The following CAMSAP2 variants were observed in gnomAD, a reference collection of about 807,000 sequenced individuals.
The protein encoded by CAMSAP2 is calmodulin-regulated spectrin-associated protein 2.
In CAMSAP2, 26 loss-of-function variants were observed where a neutral mutation model predicts 146.1. That is an observed-to-expected ratio of 0.18 (90% CI 0.13 to 0.25). The LOEUF (loss-of-function observed/expected upper bound fraction) is 0.25, where lower values mean the gene tolerates loss of function less well. CAMSAP2 is among the 10% of genes least tolerant of loss of function. The pLI, the probability that CAMSAP2 is intolerant of heterozygous loss-of-function variation, is 1.00. For synonymous variants in CAMSAP2, 499 were observed against 596.6 expected (o/e 0.84, Z 2.38); for missense variants, 1,381 against 1,759.3 (o/e 0.78, Z 3.85).
In CAMSAP2 at chr1:200,857,362, G is replaced by A. The variant is rs569186276; in HGVS notation, c.4069G>A (p.Ala1357Thr). 1 of 1,613,760 alleles carries A rather than the reference G, an allele frequency of 6.2e-7. No individual in the cohort carries two copies. The highest frequency in any genetic ancestry group is 1.1e-5 in the South Asian group (1 of 91,064). ...ATCCAATAAGCACATAATACAAAAT[G>A]CTTTAGCTCATTGCTGTTTGGCTGG... is the stretch of plus-strand genomic sequence containing the variant. ...AKSNKHIIQN[A>T]LAHCCLAGKV... is the part of the protein sequence containing the mutation. The change falls in exon 16 of 17, where the codon GCT becomes ACT. Residue 1357 changes from alanine to threonine, a missense_variant. This residue lies in a region of CAMSAP2 where 90 missense variants were observed against 174.4 expected (regional missense o/e 0.52). Transcript: ENST00000358823. The surrounding 1 kb of genome is among the most constrained non-coding windows in gnomAD (Gnocchi z 4.7).
intron 1 of CAMSAP2, 25 bp from the exon 2 acceptor site, chr1:200,760,814 G>T (rs1378298642): frequency 1.3e-6 from 2 of 1,504,796 alleles, no homozygotes; most frequent in African/African-American, 1.4e-5. Context: ...TCTTGTAAGA[G>T]AATTTTTTCC....
At chr1:200,840,914 G>A (rs537833776) in intron 6 of CAMSAP2, among the ~76,000 whole-genome samples, 15 of 151,942 alleles carry the variant, frequency 9.9e-5, no homozygotes, top group South Asian at 2.1e-4. Context: ...AAAATTTACC[G>A]AATGCCTAAA....
intron 2 of CAMSAP2, among the ~76,000 whole-genome samples, chr1:200,779,388 G>A (rs1665371763): frequency 6.6e-6 from 1 of 152,182 alleles, no homozygotes; most frequent in African/African-American, 2.4e-5. Flanking sequence ...GGAGAGAAAG[G>A]AATTGGAGTG....
chr1:200,815,120 A>G (rs2102165153), intron 3 of CAMSAP2, among the ~76,000 whole-genome samples: 1 of 152,286 alleles, frequency 6.6e-6, no homozygotes, highest in South Asian at 2.1e-4. Flanking sequence ...ATGATCATGG[A>G]TATGTCTGAA....
At position 200,859,275 on chromosome 1, in the gene CAMSAP2, G is replaced by A. The variant is rs890873899; in HGVS notation, c.*1216G>A. On this transcript the variant is annotated 3_prime_UTR_variant, in exon 17 of 17. Transcript: ENST00000358823. Reference sequence around the variant, plus strand: ...TGACCCTGTTATATTTCAGTGTTGTGACAAATGTGTAAACTAGCGGGGGAA... The same window carrying A: ...TGACCCTGTTATATTTCAGTGTTGTAACAAATGTGTAAACTAGCGGGGGAA... 2 of 152,552 alleles carry A rather than the reference G, an allele frequency of 1.3e-5. No individual in the cohort carries two copies. Among genetic ancestry groups the A allele is most frequent in the Non-Finnish European group, 2.9e-5 (2 of 67,882 alleles). 9.4% of individuals were successfully genotyped at this position (152,552 alleles called of 1,614,324 possible). A position where few individuals can be genotyped will look rare whatever the true frequency, so the allele number is the denominator to read the frequency against.
rs769479966 is a variant in CAMSAP2, at chr1:200,849,971, A to G, written c.3202A>G (p.Thr1068Ala). 2.5e-6 allele frequency: 4 copies of G among 1,614,102 alleles called. No homozygotes were observed. The highest frequency in any genetic ancestry group is 1.7e-6 in the Non-Finnish European group (2 of 1,180,042). ...AAAGGAAATCAAACCTTTTGAGTCA[A>G]CAGTCTCTGAAGTCCTATCACTGCC... is the stretch of plus-strand genomic sequence containing the variant. Reference protein sequence around the residue: ...EEKEIKPFESTVSEVLSLPVT... With the variant: ...EEKEIKPFESAVSEVLSLPVT... Residue 1068 changes from threonine to alanine, a missense_variant, in exon 11 of 17, where the codon ACA (threonine) becomes GCA (alanine). Around this residue, in one of 4 missense-constraint regions of CAMSAP2, gnomAD observed 560 missense variants for 715.9 expected, o/e 0.78. Transcript: ENST00000358823. This position sits in a 1 kb window ranked among gnomAD's most constrained non-coding sequence, Gnocchi z 6.3.
At chr1:200,742,257 A>C (rs898248530) in intron 1 of CAMSAP2, among the ~76,000 whole-genome samples, 1 of 152,228 alleles carries the variant, frequency 6.6e-6, no homozygotes, top group Non-Finnish European at 1.5e-5. Context: ...CATAGTACAT[A>C]TTGAAGTCTA....
intron 4 of CAMSAP2, among the ~76,000 whole-genome samples, chr1:200,822,972 C>T (rs1666814294): frequency 6.6e-6 from 1 of 152,068 alleles, no homozygotes; most frequent in African/African-American, 2.4e-5. Flanking sequence ...GGGGGGACAG[C>T]TATATTATGT....
intron 2 of CAMSAP2, among the ~76,000 whole-genome samples, chr1:200,785,022 T>C (rs1435388793): frequency 6.6e-6 from 1 of 152,236 alleles, no homozygotes; most frequent in Admixed American, 6.5e-5. Flanking sequence ...GATAATCATA[T>C]GGCTGTTCTC....
rs1667781929 is a variant in CAMSAP2, at chr1:200,857,698, CA to C, written c.4132-52del. 6 of 1,388,974 alleles carry C rather than the reference CA, an allele frequency of 4.3e-6. No homozygotes were observed. In the Admixed American group the frequency reaches 1.4e-4, roughly 33 times the overall value. The allele number at this position is 1,388,974 out of a possible 1,614,324, so 86.0% of individuals were successfully genotyped here. A position where few individuals can be genotyped will look rare whatever the true frequency, so the allele number is the denominator to read the frequency against. On this transcript the variant is annotated intron_variant, in intron 16 of 16. Transcript: ENST00000358823. This position sits in a 1 kb window ranked among gnomAD's most constrained non-coding sequence, Gnocchi z 4.7. ...ACATAATTATATAAACTTTATTCAGCAAAATAAAGGGTTTTTATTCGTGTTG... is the reference window on the plus strand; with the variant it reads ...ACATAATTATATAAACTTTATTCAGCAAATAAAGGGTTTTTATTCGTGTTG...
intron 2 of CAMSAP2, among the ~76,000 whole-genome samples, chr1:200,766,124 T>C (rs1436955932): frequency 6.6e-6 from 1 of 151,938 alleles, no homozygotes; most frequent in African/African-American, 2.4e-5. Context: ...TGTTTATTTA[T>C]GAGACTATCA....
Position 200,832,163 on chromosome 1 carries a change from T to A in CAMSAP2, c.646-37T>A. 1 of 1,552,660 alleles carries A rather than the reference T, an allele frequency of 6.4e-7. No individual in the cohort carries two copies. Among genetic ancestry groups the A allele is most frequent in the Non-Finnish European group, 8.7e-7 (1 of 1,147,816 alleles). On this transcript the variant is annotated intron_variant, in intron 4 of 16. Transcript: ENST00000358823. This position sits in a 1 kb window ranked among gnomAD's most constrained non-coding sequence, Gnocchi z 4.2. Reference sequence around the variant, plus strand: ...GATTTTTTTCCTATGCGTTATTTGGTACTTATTTATTTTCATGTATTTTTT... The same window carrying A: ...GATTTTTTTCCTATGCGTTATTTGGAACTTATTTATTTTCATGTATTTTTT...
chr1:200,786,599 G>T (rs1466336938), intron 2 of CAMSAP2, among the ~76,000 whole-genome samples: 4 of 152,254 alleles, frequency 2.6e-5, no homozygotes, highest in African/African-American at 7.2e-5. Context: ...GGCCAGGCTG[G>T]TCTGGAACTC....
chr1:200,778,291 A>C (rs1665336780), intron 2 of CAMSAP2, among the ~76,000 whole-genome samples: 1 of 152,158 alleles, frequency 6.6e-6, no homozygotes, highest in Admixed American at 6.5e-5. Flanking sequence ...TTACTAAGAG[A>C]GTGGTGGAGG....
chr1:200,744,506 C>T (rs1571706961), intron 1 of CAMSAP2, among the ~76,000 whole-genome samples: 1 of 152,236 alleles, frequency 6.6e-6, no homozygotes, highest in East Asian at 1.9e-4. Flanking sequence ...GTGTCAAATC[C>T]TATGTGTTTA....
rs767046022 is a variant in CAMSAP2, at chr1:200,853,425, A to G, written c.3753A>G (p.Lys1251=). 6.2e-7 allele frequency: 1 copy of G among 1,614,008 alleles called. No individual in the cohort carries two copies. Among genetic ancestry groups the G allele is most frequent in the Non-Finnish European group, 8.5e-7 (1 of 1,179,948 alleles). Residue 1251 remains lysine (K), a synonymous_variant, in exon 13 of 17, where the codon AAA becomes AAG. Coordinates refer to ENST00000358823, the MANE Select transcript of CAMSAP2 (RefSeq NM_203459.4). This position sits in a 1 kb window ranked among gnomAD's most constrained non-coding sequence, Gnocchi z 5.1. ...CCCGTCCTCAAGTAGTAAAACAAAAAAAACAGCGACCAAAATCTATTCACA... is the reference window on the plus strand; with the variant it reads ...CCCGTCCTCAAGTAGTAAAACAAAAGAAACAGCGACCAAAATCTATTCACA... ...IKPRPQVVKQ[K]KQRPKSIHRD...
Position 200,739,832 on chromosome 1 carries a change from G to A in CAMSAP2, c.5G>A (p.Gly2Glu), listed in dbSNP as rs1664102078. Residue 2 changes from glycine (G) to glutamate (E), a missense_variant, in exon 1 of 17, where the codon GGG becomes GAG. Physicochemically the swap from Gly to Glu is moderately conservative, Grantham distance 98 (BLOSUM62 -2). Coordinates refer to ENST00000358823, the MANE Select transcript of CAMSAP2 (RefSeq NM_203459.4). This position sits in a 1 kb window ranked among gnomAD's most constrained non-coding sequence, Gnocchi z 4.8. ...CCCGAGGAGCCGCGGTGAAAGATGGGGGATGCTGCAGACCCCAGGGAGATG... is the reference window on the plus strand; with the variant it reads ...CCCGAGGAGCCGCGGTGAAAGATGGAGGATGCTGCAGACCCCAGGGAGATG... Reference protein sequence around the residue: MGDAADPREMRK... With the variant: MEDAADPREMRK... 1 of 1,613,694 alleles carries A rather than the reference G, an allele frequency of 6.2e-7. No homozygotes were observed. Among genetic ancestry groups the A allele is most frequent in the Non-Finnish European group, 8.5e-7 (1 of 1,179,832 alleles).
chr1:200,742,726 T>C, intron 1 of CAMSAP2, among the ~76,000 whole-genome samples: 1 of 152,188 alleles, frequency 6.6e-6, no homozygotes, highest in East Asian at 1.9e-4. Flanking sequence ...TGGTGTTTTC[T>C]ATTAGAAACT....
intron 2 of CAMSAP2, among the ~76,000 whole-genome samples, chr1:200,784,079 A>T (rs1665519058): frequency 6.6e-6 from 1 of 151,664 alleles, no homozygotes. Flanking sequence ...AGTAGTATTT[A>T]TTGAAGACTG....
Sources: allele counts gnomAD v4.1 joint callset (sites outside exome capture counted in the v4.1 genomes callset), GRCh38; gene constraint gnomAD v4.1.1; regional missense constraint gnomAD v4.1.1; non-coding constraint Gnocchi (gnomAD v3.1); transcripts MANE v1.5; gene names NCBI Gene and HGNC (gene_info 2026-07-23, HGNC 2026-07-21).